CLEC18A: variants seen among roughly 807,000 people sequenced by gnomAD.
The protein encoded by CLEC18A is C-type lectin domain family 18 member A.
In CLEC18A, 5 loss-of-function variants were observed where a neutral mutation model predicts 24.0. That is an observed-to-expected ratio of 0.21 (90% CI 0.11 to 0.44). CLEC18A has a LOEUF of 0.44. Among genes scored for constraint, CLEC18A ranks in the 20% least tolerant of loss-of-function variants. The pLI is 0.99. For missense variants in CLEC18A, 83 were observed against 233.4 expected, an observed-to-expected ratio of 0.36 and a Z score of 4.20; for synonymous variants, 29 against 100.1, an observed-to-expected ratio of 0.29 and a Z score of 4.24.
rs572560256 is a variant in CLEC18A at position 69,957,285 on chromosome 16, C to T, written c.457-1657C>T. Among the ~76,000 whole-genome samples, 33 of 147,686 alleles carry T rather than the reference C, an allele frequency of 2.2e-4. No individual in the cohort carries two copies. In the South Asian group the frequency reaches 4.7e-3, roughly 21 times the overall value. On this transcript the variant is annotated intron_variant, in intron 3 of 11. Coordinates refer to ENST00000288040, the MANE Select transcript of CLEC18A (RefSeq NM_001370523.4). ...TCAGGTGATCTTCTCACCTCAGGTC[C>T]GGAGTAGCTGGGACTACAGGTGTGT...
Position 69,954,661 on chromosome 16 carries a change from A to T in CLEC18A, c.456+88A>T, listed in dbSNP as rs983960871. The T allele has an allele frequency of 1.8e-5, 28 of 1,547,060 alleles. No individual in the cohort carries two copies. In the Admixed American group the frequency reaches 5.6e-4, roughly 31 times the overall value. Reference sequence around the variant, plus strand: ...CTCAGAAGAGGCTACAGTTTGTCCTAAATGTTGGGATTCCTTTTCCTCCAA... The same window carrying T: ...CTCAGAAGAGGCTACAGTTTGTCCTTAATGTTGGGATTCCTTTTCCTCCAA... On this transcript the variant is annotated intron_variant, in intron 3 of 11. Transcript: ENST00000288040.
the CLEC18A span, among the ~76,000 whole-genome samples, chr16:69,944,891 A>G: frequency 7.9e-6 from 1 of 126,634 alleles, no homozygotes; most frequent in African/African-American, 3.4e-5. Context: ...CTGTAATGCC[A>G]GCGCTTTGGG....
At chr16:69,965,351 C>G (rs1238826824), downstream of CLEC18A, among the ~76,000 whole-genome samples, 19 of 152,148 alleles carry the variant, frequency 1.2e-4, 1 homozygote, top group African/African-American at 4.6e-4. Flanking sequence ...CGGTCTGGTT[C>G]CCGGGTCAGC....
chr16:69,948,637 A>C (rs1405072551), upstream of CLEC18A, among the ~76,000 whole-genome samples: 1 of 150,592 alleles, frequency 6.6e-6, no homozygotes, highest in East Asian at 2.0e-4. Flanking sequence ...TCACCTGGGG[A>C]AAGCTGCCTT....
At chr16:69,965,666 C>T (rs1367926745), downstream of CLEC18A, among the ~76,000 whole-genome samples, 4 of 145,824 alleles carry the variant, frequency 2.7e-5, no homozygotes, top group African/African-American at 1.0e-4. Context: ...GTCCGCAGGC[C>T]ACACCCAGAG....
intron 2 of CLEC18A, chr16:69,953,829 A>T (rs1279977081): frequency 1.1e-5 from 2 of 178,992 alleles, no homozygotes; most frequent in Non-Finnish European, 1.2e-5. Context: ...AAAAAAAAAA[A>T]AAAGAAGAGG....
At chr16:69,956,204 G>A (rs1344552473) in intron 3 of CLEC18A, among the ~76,000 whole-genome samples, 4 of 140,584 alleles carry the variant, frequency 2.8e-5, no homozygotes, top group Middle Eastern at 3.5e-3. Flanking sequence ...CTGAGACTGC[G>A]CCATTGCACT....
At chr16:69,955,213 G>A (rs1426140141) in intron 3 of CLEC18A, among the ~76,000 whole-genome samples, 1 of 151,630 alleles carries the variant, frequency 6.6e-6, no homozygotes, top group African/African-American at 2.4e-5. Context: ...ATGTTGGTCA[G>A]GCTGGTCTCG....
downstream of CLEC18A, among the ~76,000 whole-genome samples, chr16:69,964,670 G>GT (rs1379004737): frequency 4.1e-5 from 6 of 147,698 alleles, 1 homozygote; most frequent in South Asian, 1.1e-3. Flanking sequence ...CGGCTAATTT[G>GT]TTTTTTGTAT....
chr16:69,946,639 A>G (rs1038961072), upstream of CLEC18A, among the ~76,000 whole-genome samples: 9 of 148,750 alleles, frequency 6.1e-5, no homozygotes, highest in Admixed American at 2.0e-4. Flanking sequence ...CCTGACCTCA[A>G]GCAATCCATC....
chr16:69,945,625 C>T, the CLEC18A span, among the ~76,000 whole-genome samples: 5 of 152,270 alleles, frequency 3.3e-5, no homozygotes, highest in African/African-American at 1.2e-4. Flanking sequence ...CAGGCACATG[C>T]CACCAAACCT....
chr16:69,943,974 C>G, the CLEC18A span, among the ~76,000 whole-genome samples: 8 of 133,618 alleles, frequency 6.0e-5, no homozygotes, highest in African/African-American at 2.0e-4. Context: ...CCACAAGGTA[C>G]CAACTTCCGT....
At chr16:69,954,877 T>G (rs949654001) in intron 3 of CLEC18A, among the ~76,000 whole-genome samples, 2 of 152,086 alleles carry the variant, frequency 1.3e-5, no homozygotes, top group Non-Finnish European at 2.9e-5. Context: ...GCTTTATACT[T>G]TTAGTAGAGA....
At chr16:69,944,550 A>G in the CLEC18A span, among the ~76,000 whole-genome samples, 1 of 151,726 alleles carries the variant, frequency 6.6e-6, no homozygotes, top group Admixed American at 6.6e-5. Flanking sequence ...AAAAAAAAGA[A>G]AAAGAAGGGC....
downstream of CLEC18A, among the ~76,000 whole-genome samples, chr16:69,964,967 A>G (rs1421321387): frequency 2.0e-5 from 3 of 151,808 alleles, no homozygotes; most frequent in Admixed American, 6.6e-5. Flanking sequence ...ACGCCCCGCT[A>G]TTTTTTGTGT....
chr16:69,949,776 C>A (rs1388117880), upstream of CLEC18A, among the ~76,000 whole-genome samples: 1 of 124,512 alleles, frequency 8.0e-6, no homozygotes, highest in African/African-American at 3.3e-5. Flanking sequence ...GAGTTGGAGA[C>A]CAGCCTGGGC....
chr16:69,966,596 T>C (rs1164759302), downstream of CLEC18A, among the ~76,000 whole-genome samples: 2 of 135,604 alleles, frequency 1.5e-5, no homozygotes, highest in Admixed American at 7.7e-5. Flanking sequence ...TTCTTTAGCA[T>C]ATAATCAATA....
chr16:69,945,391 A>G, the CLEC18A span, among the ~76,000 whole-genome samples: 3 of 152,228 alleles, frequency 2.0e-5, no homozygotes, highest in African/African-American at 4.8e-5. Flanking sequence ...TGTGATTACT[A>G]GAAGTTTCAT....
At chr16:69,954,667 T>A in intron 3 of CLEC18A, 94 bp downstream of exon 3, 3 of 1,536,052 alleles carry the variant, frequency 2.0e-6, no homozygotes, top group African/African-American at 2.8e-5. Context: ...TCCTAAATGT[T>A]GGGATTCCTT....
Sources: gnomAD v4.1 joint callset for allele counts (sites outside exome capture counted in the v4.1 genomes callset) on GRCh38, gnomAD v4.1.1 for gene constraint, MANE v1.5 for transcripts, NCBI Gene and HGNC (gene_info 2026-07-23, HGNC 2026-07-21) for gene names.